The following TENM1 variants were observed in gnomAD, a reference collection of about 807,000 sequenced individuals.
TENM1 encodes the protein teneurin transmembrane protein 1.
In TENM1, 35 loss-of-function variants were observed where a neutral mutation model predicts 174.8. That is an observed-to-expected ratio of 0.20 (90% CI 0.15 to 0.27). TENM1 has a LOEUF of 0.27. Ranked by LOEUF, TENM1 falls within the 10% of genes least tolerant of loss-of-function variation. TENM1 has a pLI of 1.00. For synonymous variants in TENM1, 781 were observed against 798.7 expected (o/e 0.98, Z 0.37); for missense variants, 1,633 against 2,130.1 (o/e 0.77, Z 4.59).
intron 15 of TENM1, 80 bp downstream of exon 18, chrX:124,546,794 C>G: frequency 1.2e-6 from 1 of 832,219 alleles, no homozygotes; most frequent in African/African-American, 2.0e-5. Context: ...GTAACCTGAT[C>G]CTTAGAAGAT....
the TENM1 span, among the ~76,000 whole-genome samples, chrX:125,154,976 C>A: frequency 1.8e-5 from 2 of 111,639 alleles, no homozygotes; most frequent in African/African-American, 6.5e-5. Flanking sequence ...CGAGAAAGAA[C>A]AAAGCTCCCA....
At chrX:125,157,568 G>A in the TENM1 span, among the ~76,000 whole-genome samples, 2 of 111,754 alleles carry the variant, frequency 1.8e-5, no homozygotes, top group Non-Finnish European at 3.8e-5. Context: ...GTTTCTCTGG[G>A]AGCAATTTCC....
At chrX:124,510,471 T>C (rs1328992680) in intron 18 of TENM1, among the ~76,000 whole-genome samples, 1 of 112,204 alleles carries the variant, frequency 8.9e-6, no homozygotes, top group Non-Finnish European at 1.9e-5. Flanking sequence ...GTTTTCTTGA[T>C]GTAATTATTA....
intron 5 of TENM1, among the ~76,000 whole-genome samples, chrX:124,685,805 C>T (rs367569265): frequency 3.6e-5 from 4 of 111,624 alleles, no homozygotes; most frequent in African/African-American, 1.3e-4. Context: ...GTGATCTGCC[C>T]GCCTTGGCCT....
In TENM1 at chrX:124,520,795, A is replaced by T. The variant is rs1304674674; in HGVS notation, c.3034-11T>A. The T allele has an allele frequency of 6.5e-6, 6 of 919,432 alleles. No individual in the cohort carries two copies. The highest frequency in any genetic ancestry group is 5.7e-5 in the South Asian group (2 of 35,173). The allele number at this position is 919,432 out of a possible 1,213,427, so 75.8% of individuals were successfully genotyped here. ...TTCCTCCTGTACAACCTGAAATAAA[A>T]AAAAAAAAAAAAAGCCAAATAGGCT... On this transcript the variant is annotated splice_polypyrimidine_tract_variant and intron_variant, in intron 17 of 31. Transcript: ENST00000422452.
intron 23 of TENM1, among the ~76,000 whole-genome samples, chrX:124,448,366 T>C (rs781410384): frequency 9.8e-5 from 11 of 111,743 alleles, no homozygotes; most frequent in Middle Eastern, 4.6e-3. Context: ...GATATGTTTT[T>C]TCCTTGTCAT....
chrX:124,582,744 C>T (rs760762929), intron 11 of TENM1, among the ~76,000 whole-genome samples: 12 of 111,798 alleles, frequency 1.1e-4, no homozygotes, highest in South Asian at 3.7e-4. Context: ...TTGCCTCACT[C>T]GGGAAGTGCA....
At chrX:125,002,022 TTA>T in the TENM1 span, among the ~76,000 whole-genome samples, 4 of 108,694 alleles carry the variant, frequency 3.7e-5, no homozygotes, top group Non-Finnish European at 5.7e-5. Flanking sequence ...TCATGAAAGT[TTA>T]TATGATTCCA....
chrX:124,545,127 ATGG>A (rs2048402079), intron 15 of TENM1, among the ~76,000 whole-genome samples: 1 of 111,875 alleles, frequency 8.9e-6, no homozygotes, highest in South Asian at 3.8e-4. Flanking sequence ...TTCTGATAGA[ATGG>A]ATATATTTGT....
intron 3 of TENM1, among the ~76,000 whole-genome samples, chrX:124,767,047 A>G (rs941281975): frequency 2.7e-5 from 3 of 111,780 alleles, no homozygotes; most frequent in Non-Finnish European, 3.8e-5. Context: ...ATAGTACAAA[A>G]TCATTAGTAG....
intron 1 of TENM1, among the ~76,000 whole-genome samples, chrX:124,950,988 T>G (rs2058474237): frequency 8.9e-6 from 1 of 111,977 alleles, no homozygotes; most frequent in African/African-American, 3.2e-5. Flanking sequence ...AGATTATAAA[T>G]TCTACTGTGA....
In TENM1 at chrX:124,576,311, C is replaced by T. The variant is rs182128988; in HGVS notation, c.2078-10751G>A. 3.9e-3 allele frequency among the ~76,000 whole-genome samples: 432 copies of T among 112,021 alleles called. 1 individual carries two copies. The highest frequency in any genetic ancestry group is 0.012 in the African/African-American group (381 of 30,849). ...CTGATCTCAGGTGATCCACCTGCCT[C>T]GGCCTCCCAAAATGCTGGGATTATA... On this transcript the variant is annotated intron_variant, in intron 11 of 31. Transcript: ENST00000422452.
the TENM1 span, among the ~76,000 whole-genome samples, chrX:125,154,541 C>A: frequency 0.3 from 33,231 of 110,646 alleles, 5,511 homozygotes; most frequent in African/African-American, 0.62. Context: ...TATTATTATT[C>A]AAAGAAAAAG....
intron 22 of TENM1, 29 bp downstream of exon 25, chrX:124,481,703 A>ATATATC: frequency 2.8e-6 from 1 of 350,981 alleles, no homozygotes. Context: ...GGGTATATAT[A>ATATATC]TATATATATT....
chrX:124,634,024 C>A (rs2050820672), intron 11 of TENM1, among the ~76,000 whole-genome samples: 1 of 111,460 alleles, frequency 9.0e-6, no homozygotes, highest in Non-Finnish European at 1.9e-5. Flanking sequence ...ATCAGAGTCA[C>A]CTTAATGTTT....
rs368820943 is a variant in TENM1, at chrX:124,731,942, T to C, written c.776+5015A>G. Among the ~76,000 whole-genome samples the C allele has an allele frequency of 4.5e-5, 5 of 111,801 alleles. No homozygotes were observed. In the East Asian group the frequency reaches 1.4e-3, roughly 31 times the overall value. On this transcript the variant is annotated intron_variant, in intron 4 of 31. Coordinates refer to ENST00000422452, the Ensembl canonical transcript of TENM1. The stretch of plus-strand genomic sequence containing the variant: ...CATGCACAGAGATCTAACCCTAATC[T>C]GGTCTTATGTAACATTTGTATCGAT...
At chrX:124,809,871 AG>A (rs1569452124) in intron 3 of TENM1, among the ~76,000 whole-genome samples, 23 of 108,037 alleles carry the variant, frequency 2.1e-4, no homozygotes, top group African/African-American at 7.8e-4. Context: ...AGAGAGAGAG[AG>A]AGAGAGAAGC....
the TENM1 span, among the ~76,000 whole-genome samples, chrX:125,161,054 A>C: frequency 3.7e-5 from 4 of 107,858 alleles, no homozygotes; most frequent in South Asian, 7.8e-4. Context: ...AAAAAAAAAA[A>C]AAAAAAACAA....
At chrX:124,808,529 C>G (rs1003048771) in intron 3 of TENM1, among the ~76,000 whole-genome samples, 1 of 112,110 alleles carries the variant, frequency 8.9e-6, no homozygotes, top group African/African-American at 3.2e-5. Context: ...GCAGAATGTG[C>G]ATTCTTCTCA....
Sources: allele counts gnomAD v4.1 joint callset (sites outside exome capture counted in the v4.1 genomes callset), GRCh38; gene constraint gnomAD v4.1.1; transcripts MANE v1.5; gene names NCBI Gene and HGNC (gene_info 2026-07-23, HGNC 2026-07-21).